ATM: variants seen among roughly 807,000 people sequenced by gnomAD.
ATM encodes the protein serine-protein kinase ATM.
Under a neutral mutation model 387.0 loss-of-function variants are expected in ATM, and 308 were observed. That is an observed-to-expected ratio of 0.80 (90% CI 0.73 to 0.87). The LOEUF (loss-of-function observed/expected upper bound fraction) is 0.87. Ranked by LOEUF, ATM falls within the 40% of genes least tolerant of loss-of-function variation. The pLI, the probability that ATM is intolerant of heterozygous loss-of-function variation, is 0.00. For missense variants in ATM, 3,312 were observed against 3,560.9 expected (o/e 0.93, Z 1.78); for synonymous variants, 1,156 against 1,187.3 (o/e 0.97, Z 0.54).
chr11:108,227,459 C>G, intron 1 of ATM, 136 bp from the exon 2 acceptor site: 1 of 571,278 alleles, frequency 1.8e-6, no homozygotes, highest in East Asian at 3.0e-5. Context: ...CAGAATGTGC[C>G]TCTAATTGTA....
At chr11:108,349,809 G>A (rs2088963586) in intron 59 of ATM, among the ~76,000 whole-genome samples, 2 of 152,098 alleles carry the variant, frequency 1.3e-5, no homozygotes, top group Non-Finnish European at 2.9e-5. Flanking sequence ...TGAAGATACA[G>A]GAGAAAAACA....
At chr11:108,306,534 T>G (rs1056819402) in intron 37 of ATM, among the ~76,000 whole-genome samples, 1 of 152,230 alleles carries the variant, frequency 6.6e-6, no homozygotes, top group East Asian at 1.9e-4. Flanking sequence ...TGGCCAAGAC[T>G]TTTTTCATGT....
In ATM at chr11:108,325,515, A is replaced by T; in HGVS notation, c.6778A>T (p.Ile2260Leu). The change falls in exon 46 of 63, where the codon ATA becomes TTA. Residue 2260 changes from isoleucine to leucine, a missense_variant. Physicochemically the swap from Ile to Leu is conservative, Grantham distance 5. This residue lies in a region of ATM where 1,405 missense variants were observed against 1,604.4 expected (regional missense o/e 0.88). Coordinates refer to ENST00000675843, the MANE Select transcript of ATM (RefSeq NM_000051.4). ...CACCAAACACCTTGTAGAACTCTCT[A>T]TACTGGCCAGAACTTTCAAGAACAC... ...ILTKHLVELS[I>L]LARTFKNTQL... The T allele has an allele frequency of 1.9e-6, 3 of 1,611,716 alleles. No individual in the cohort carries two copies. Among genetic ancestry groups the T allele is most frequent in the Non-Finnish European group, 2.5e-6 (3 of 1,178,810 alleles).
chr11:108,314,483 G>T (rs2084443910), intron 40 of ATM, among the ~76,000 whole-genome samples: 1 of 151,780 alleles, frequency 6.6e-6, no homozygotes, highest in African/African-American at 2.4e-5. Context: ...ATATAAGCCT[G>T]GTAGGTCGGT....
intron 11 of ATM, 84 bp downstream of exon 11, chr11:108,252,115 A>T (rs1347185106): frequency 8.4e-7 from 1 of 1,186,738 alleles, no homozygotes; most frequent in African/African-American, 1.5e-5. Context: ...AGATGGCTTT[A>T]TTTTATAATA....
rs778591395 is a variant in ATM, at chr11:108,235,650, ATTTG to A, written c.332-16_332-13del. ...TTTGTTCAAATTTATGTTTTTCTTTATTTGTTTATTTTGAAATAGGAGCACCTAG... is the reference window on the plus strand; with the variant it reads ...TTTGTTCAAATTTATGTTTTTCTTTATTTATTTTGAAATAGGAGCACCTAG... On this transcript the variant is annotated splice_polypyrimidine_tract_variant and intron_variant, in intron 4 of 62. Coordinates refer to ENST00000675843, the MANE Select transcript of ATM (RefSeq NM_000051.4). The A allele has an allele frequency of 2.5e-6, 4 of 1,577,316 alleles. No homozygotes were observed. Among genetic ancestry groups the A allele is most frequent in the African/African-American group, 1.4e-5 (1 of 73,780 alleles).
At chr11:108,303,198 G>T (rs191529205) in intron 36 of ATM, among the ~76,000 whole-genome samples, 169 bp downstream of exon 36, 1 of 152,106 alleles carries the variant, frequency 6.6e-6, no homozygotes, top group African/African-American at 2.4e-5. Context: ...TTAGGTTTCA[G>T]CTTCGGGATA....
At chr11:108,274,363 A>G (rs1332437901) in intron 22 of ATM, among the ~76,000 whole-genome samples, 2 of 151,606 alleles carry the variant, frequency 1.3e-5, no homozygotes, top group Non-Finnish European at 2.9e-5. Flanking sequence ...GTGTGTCTCT[A>G]TCTCCTTCAC....
rs786202895 is a variant in ATM, at chr11:108,267,171, G to C, written c.2467G>C (p.Ala823Pro). The C allele has an allele frequency of 6.2e-7, 1 of 1,613,784 alleles. No individual in the cohort carries two copies. The highest frequency in any genetic ancestry group is 8.5e-7 in the Non-Finnish European group (1 of 1,179,848). The change falls in exon 17 of 63, where the codon GCA (alanine) becomes CCA (proline). Residue 823 changes from alanine to proline, a missense_variant and splice_region_variant. Ala to Pro is a conservative substitution (Grantham distance 27). Transcript: ENST00000675843. ...NDIADICKSL[A>P]SFIKKPFDRG... is the part of the protein sequence containing the mutation. ...ACATCTTTGTTTCTCTTCCTTGAAG[G>C]CATCCTTCATCAAAAAGCCATTTGA...
chr11:108,242,637 A>C (rs1472212590), intron 5 of ATM, among the ~76,000 whole-genome samples: 1 of 152,146 alleles, frequency 6.6e-6, no homozygotes, highest in Non-Finnish European at 1.5e-5. Context: ...AGGCAGGTGG[A>C]TCATCTAAGG....
intron 39 of ATM, among the ~76,000 whole-genome samples, chr11:108,310,670 G>T (rs2136029086): frequency 6.6e-6 from 1 of 152,066 alleles, no homozygotes; most frequent in South Asian, 2.1e-4. Context: ...CCTAACTTCA[G>T]TCAGATTAGA....
At chr11:108,326,782 T>G (rs183304352) in intron 47 of ATM, among the ~76,000 whole-genome samples, 1 of 152,196 alleles carries the variant, frequency 6.6e-6, no homozygotes, top group Non-Finnish European at 1.5e-5. Context: ...CCCACAGACA[T>G]GTACCTGCTT....
At chr11:108,324,599 G>GT (rs1264381435) in intron 45 of ATM, among the ~76,000 whole-genome samples, 2 of 152,052 alleles carry the variant, frequency 1.3e-5, no homozygotes, top group African/African-American at 2.4e-5. Context: ...TAGCATTTTT[G>GT]TTACTGTTCC....
intron 5 of ATM, among the ~76,000 whole-genome samples, chr11:108,236,930 C>T (rs564910467): frequency 4.6e-4 from 70 of 151,856 alleles, no homozygotes; most frequent in Non-Finnish European, 7.5e-4. Flanking sequence ...GATTTTAAGT[C>T]AGGTGTCAAA....
chr11:108,246,915 T>A, intron 7 of ATM, 49 bp from the exon 8 acceptor site: 2 of 1,481,898 alleles, frequency 1.3e-6, no homozygotes, highest in Non-Finnish European at 9.4e-7. Context: ...GCTAGCAGTG[T>A]AAACAGAGTA....
chr11:108,317,613 TTTTATATA>T lies in ATM; in HGVS notation c.6347+94_6347+101del, dbSNP rs1293598473. 22 of 270,358 alleles carry T rather than the reference TTTTATATA, an allele frequency of 8.1e-5. No individual in the cohort carries two copies. The African/African-American group carries it at 1.3e-3, about 16-fold the overall frequency. The allele number at this position is 270,358 out of a possible 1,614,324, so 16.7% of individuals were successfully genotyped here. A position where few individuals can be genotyped will look rare whatever the true frequency, so the allele number is the denominator to read the frequency against. ...TCTTCTATGAATATAACAGGAGTTG[TTTTATATA>T]TATATATATATATATATATATATAT... On this transcript the variant is annotated intron_variant, in intron 43 of 62. Transcript: ENST00000675843.
rs56252953 is a variant in ATM, at chr11:108,256,217, T to G, written c.2127T>G (p.Ile709Met). ...EQLLNNYSSE[I>M]TNSETLVRCS... ...TTTTATTTGTGGTTTACTTTAAGAT[T>G]ACAAATTCAGAAACTCTTGTCCGGT... Residue 709 changes from isoleucine (I) to methionine (M), a missense_variant and splice_region_variant, in exon 14 of 63, where the codon ATT (isoleucine) becomes ATG (methionine). Coordinates refer to ENST00000675843, the MANE Select transcript of ATM (RefSeq NM_000051.4). 5.6e-6 allele frequency: 9 copies of G among 1,603,644 alleles called. No individual in the cohort carries two copies. The highest frequency in any genetic ancestry group is 3.3e-4 in the Middle Eastern group (2 of 6,040).
intron 50 of ATM, among the ~76,000 whole-genome samples, chr11:108,330,689 G>T (rs1419100201): frequency 6.6e-6 from 1 of 152,164 alleles, no homozygotes; most frequent in African/African-American, 2.4e-5. Flanking sequence ...ATAGAATTTA[G>T]CTTGGTCCTA....
chr11:108,268,379 C>T (rs983837822), intron 17 of ATM, 31 bp from the exon 18 acceptor site: 11 of 1,602,766 alleles, frequency 6.9e-6, no homozygotes, highest in Non-Finnish European at 7.7e-6. Context: ...GTGCCCTTCT[C>T]TTAGTGTTAA....
Sources: gnomAD v4.1 joint callset for allele counts (sites outside exome capture counted in the v4.1 genomes callset) on GRCh38, gnomAD v4.1.1 for gene constraint, gnomAD v4.1.1 regional missense constraint, MANE v1.5 for transcripts, NCBI Gene and HGNC (gene_info 2026-07-23, HGNC 2026-07-21) for gene names.